The following AZI2 variants were observed in gnomAD, a reference collection of about 807,000 sequenced individuals.
The protein encoded by AZI2 is 5-azacytidine induced 2.
A neutral mutation model predicts 45.8 loss-of-function variants in AZI2; 22 were observed. That is an observed-to-expected ratio of 0.48 (90% CI 0.34 to 0.69). AZI2 has a LOEUF of 0.69. Among genes scored for constraint, AZI2 ranks in the 30% least tolerant of loss-of-function variants. The pLI, the probability that AZI2 is intolerant of heterozygous loss-of-function variation, is 0.01. For synonymous variants in AZI2, 137 were observed against 156.7 expected, an observed-to-expected ratio of 0.87 and a Z score of 0.94; for missense variants, 417 against 441.5, an observed-to-expected ratio of 0.94 and a Z score of 0.50.
chr3:28,324,260 C>T lies in AZI2; in HGVS notation c.961G>A (p.Asp321Asn). ...SEKAILQSWT[D>N]NERSIPNDGT... Reference sequence around the variant, plus strand: ...TCATTAGGAATGGATCTCTCATTGTCTGTCCATGATTGGAGGATTGCTTTC... The same window carrying T: ...TCATTAGGAATGGATCTCTCATTGTTTGTCCATGATTGGAGGATTGCTTTC... Residue 321 changes from aspartate (D) to asparagine (N), a missense_variant, in exon 8 of 8, where the codon GAC becomes AAC. Coordinates refer to ENST00000479665, the MANE Select transcript of AZI2 (RefSeq NM_022461.5). 6.2e-7 allele frequency: 1 copy of T among 1,609,982 alleles called. No homozygotes were observed. Among genetic ancestry groups the T allele is most frequent in the Non-Finnish European group, 8.5e-7 (1 of 1,177,318 alleles).
Position 28,332,529 on chromosome 3 carries a change from A to G in AZI2, c.589-102T>C, listed in dbSNP as rs551985773. 405 of 899,984 alleles carry G rather than the reference A, an allele frequency of 4.5e-4. 3 individuals are homozygous for G. The highest frequency in any genetic ancestry group is 1.3e-3 in the South Asian group (85 of 65,464). The allele number at this position is 899,984 out of a possible 1,614,324, so 55.7% of individuals were successfully genotyped here. ...GAGACATGTTCAGGTTTTACAGAATATATCTGTAAGTGCAAAGAATACAAT... is the reference window on the plus strand; with the variant it reads ...GAGACATGTTCAGGTTTTACAGAATGTATCTGTAAGTGCAAAGAATACAAT... On this transcript the variant is annotated intron_variant, in intron 5 of 7. Transcript: ENST00000479665.
At chr3:28,332,474 A>G (rs199908700) in intron 5 of AZI2, 47 bp from the exon 6 acceptor site, 2 of 1,503,360 alleles carry the variant, frequency 1.3e-6, no homozygotes, top group East Asian at 2.3e-5. Flanking sequence ...TAATTTTTAC[A>G]ATTTATTTAG....
rs1025358493 is a variant in AZI2 at position 28,348,792 on chromosome 3, A to C, written c.-197T>G. On this transcript the variant is annotated 5_prime_UTR_variant, in exon 1 of 8. Transcript: ENST00000479665. The stretch of plus-strand genomic sequence containing the variant: ...CGCGGAGGGAGTCCCATTTCTTCTG[A>C]CTCGGCAGGAGCCCGGGACGTTCTG... 1 of 223,464 alleles carries C rather than the reference A, an allele frequency of 4.5e-6. No individual in the cohort carries two copies. The highest frequency in any genetic ancestry group is 2.4e-5 in the African/African-American group (1 of 42,492). The allele number at this position is 223,464 out of a possible 1,614,324, so 13.8% of individuals were successfully genotyped here. A position where few individuals can be genotyped will look rare whatever the true frequency, so the allele number is the denominator to read the frequency against.
intron 7 of AZI2, among the ~76,000 whole-genome samples, chr3:28,325,968 TGAG>T (rs758260346): frequency 4.0e-5 from 6 of 151,084 alleles, no homozygotes; most frequent in Non-Finnish European, 7.4e-5. Context: ...TAAACACTCC[TGAG>T]GAGAACTATT....
intron 1 of AZI2, among the ~76,000 whole-genome samples, chr3:28,345,628 G>A (rs972114357): frequency 6.6e-6 from 1 of 151,996 alleles, no homozygotes; most frequent in Non-Finnish European, 1.5e-5. Context: ...GATAAAGTAG[G>A]TAGAAATAAG....
Position 28,321,645 on chromosome 3 carries a change from A to G in AZI2, c.*2397T>C, listed in dbSNP as rs990111701. ...TTACCCCTTAAGATACACCTTCTCCAAGTAGCCTTTCTGAATTAAGATCAG... is the reference window on the plus strand; with the variant it reads ...TTACCCCTTAAGATACACCTTCTCCGAGTAGCCTTTCTGAATTAAGATCAG... On this transcript the variant is annotated 3_prime_UTR_variant, in exon 8 of 8. Transcript: ENST00000479665. 2.0e-5 allele frequency: 3 copies of G among 151,276 alleles called. No homozygotes were observed. The highest frequency in any genetic ancestry group is 2.1e-4 in the South Asian group (1 of 4,830). The allele number at this position is 151,276 out of a possible 1,614,324, so 9.4% of individuals were successfully genotyped here.
At chr3:28,336,967 A>G in intron 4 of AZI2, 82 bp from the exon 5 acceptor site, 1 of 1,373,608 alleles carries the variant, frequency 7.3e-7, no homozygotes, top group Non-Finnish European at 9.9e-7. Context: ...ATTCTGGTAA[A>G]ATGTAGATAA....
intron 6 of AZI2, among the ~76,000 whole-genome samples, chr3:28,330,221 T>C (rs1427127016): frequency 6.6e-6 from 1 of 151,262 alleles, no homozygotes; most frequent in Non-Finnish European, 1.5e-5. Flanking sequence ...TGTTAAATGA[T>C]GTTTTATACA....
At chr3:28,330,271 C>T (rs957132059) in intron 6 of AZI2, among the ~76,000 whole-genome samples, 1 of 151,232 alleles carries the variant, frequency 6.6e-6, no homozygotes, top group South Asian at 2.1e-4. Flanking sequence ...TTAAAAGGTT[C>T]ACTCTATCTT....
chr3:28,338,050 GA>G lies in AZI2; in HGVS notation c.340-15del. 1.4e-6 allele frequency: 2 copies of G among 1,441,204 alleles called. No individual in the cohort carries two copies. The highest frequency in any genetic ancestry group is 1.4e-5 in the African/African-American group (1 of 70,240). The allele number at this position is 1,441,204 out of a possible 1,614,324, so 89.3% of individuals were successfully genotyped here. ...GTTGTCTTTATTCTAGTTAAGTAGG[GA>G]AAATGCCAAATTACATTCAATAAAA... On this transcript the variant is annotated splice_polypyrimidine_tract_variant and intron_variant, in intron 3 of 7. Coordinates refer to ENST00000479665, the MANE Select transcript of AZI2 (RefSeq NM_022461.5).
At chr3:28,336,927 T>C (rs746424054) in intron 4 of AZI2, 42 bp from the exon 5 acceptor site, 2 of 1,587,820 alleles carry the variant, frequency 1.3e-6, no homozygotes, top group Non-Finnish European at 1.7e-6. Context: ...CTTTTCCTTC[T>C]ACATTGACTG....
chr3:28,325,556 T>C (rs907296735), intron 7 of AZI2, among the ~76,000 whole-genome samples: 1 of 150,952 alleles, frequency 6.6e-6, no homozygotes, highest in African/African-American at 2.4e-5. Context: ...ACCACTGTCA[T>C]AGGAAAAGTG....
rs1703870520 is a variant in AZI2 at position 28,338,134 on chromosome 3, C to T, written c.340-98G>A. On this transcript the variant is annotated intron_variant, in intron 3 of 7. Coordinates refer to ENST00000479665, the MANE Select transcript of AZI2 (RefSeq NM_022461.5). ...GATACTGAAAAAAACACATTCTTGTCTTTAAAAGCAAGGTGACAAAATGAA... is the reference window on the plus strand; with the variant it reads ...GATACTGAAAAAAACACATTCTTGTTTTTAAAAGCAAGGTGACAAAATGAA... The T allele has an allele frequency of 8.3e-6, 5 of 603,596 alleles. No individual in the cohort carries two copies. In the East Asian group the frequency reaches 1.6e-4, roughly 20 times the overall value. The allele number at this position is 603,596 out of a possible 1,614,324, so 37.4% of individuals were successfully genotyped here. A position where few individuals can be genotyped will look rare whatever the true frequency, so the allele number is the denominator to read the frequency against.
intron 3 of AZI2, 38 bp from the exon 4 acceptor site, chr3:28,338,074 A>C (rs774202302): frequency 8.1e-7 from 1 of 1,231,412 alleles, no homozygotes; most frequent in Non-Finnish European, 1.2e-6. Flanking sequence ...ACATTCAATA[A>C]AATCTACACG....
At chr3:28,347,853 C>A (rs1051275352) in intron 1 of AZI2, among the ~76,000 whole-genome samples, 1 of 152,220 alleles carries the variant, frequency 6.6e-6, no homozygotes, top group African/African-American at 2.4e-5. Context: ...TGAGATCTTG[C>A]TCAATCCAAT....
chr3:28,336,898 T>A lies in AZI2; in HGVS notation c.440-13A>T, dbSNP rs754174597. ...AAATTCCTCATCACTACAAAAAGGATGGACACTGAAATTGTTATCTTTTCC... is the reference window on the plus strand; with the variant it reads ...AAATTCCTCATCACTACAAAAAGGAAGGACACTGAAATTGTTATCTTTTCC... On this transcript the variant is annotated splice_polypyrimidine_tract_variant and intron_variant, in intron 4 of 7. Transcript: ENST00000479665. 1 of 1,610,626 alleles carries A rather than the reference T, an allele frequency of 6.2e-7. No individual in the cohort carries two copies.
intron 6 of AZI2, among the ~76,000 whole-genome samples, chr3:28,329,338 TGATCACTG>T (rs1559456838): frequency 6.6e-6 from 1 of 151,152 alleles, no homozygotes; most frequent in African/African-American, 2.4e-5. Context: ...GTCTAATGAC[TGATCACTG>T]CCCTTTTGGA....
Position 28,338,556 on chromosome 3 carries a change from G to T in AZI2, c.276C>A (p.Ala92=), listed in dbSNP as rs1703888676. The T allele has an allele frequency of 6.2e-7, 1 of 1,609,504 alleles. No individual in the cohort carries two copies. ...TGCAAACCTCTCGATATGCATGATA[G>T]GCCTTATTTACTTGTTCTCGTCCCA... The part of the protein sequence containing the change: ...SSVGREQVNK[A]YHAYREVCID... Residue 92 remains alanine (A), a synonymous_variant, in exon 3 of 8, where the codon GCC becomes GCA. Transcript: ENST00000479665.
intron 1 of AZI2, among the ~76,000 whole-genome samples, chr3:28,344,374 A>T (rs1241152044): frequency 1.3e-5 from 2 of 152,190 alleles, no homozygotes; most frequent in Admixed American, 1.3e-4. Flanking sequence ...CATAGAAAGG[A>T]AACAATACAA....
Sources: gnomAD v4.1 joint callset for allele counts (sites outside exome capture counted in the v4.1 genomes callset) on GRCh38, gnomAD v4.1.1 for gene constraint, MANE v1.5 for transcripts, NCBI Gene and HGNC (gene_info 2026-07-23, HGNC 2026-07-21) for gene names.